Variants in TBC1D32 observed in about 807,000 individuals in gnomAD.
The protein encoded by TBC1D32 is protein broad-minded.
In TBC1D32, 151 loss-of-function variants were observed where a neutral mutation model predicts 170.3. The ratio of observed to expected loss-of-function variants is 0.89; its 90% CI spans 0.78 to 1.01. The LOEUF (loss-of-function observed/expected upper bound fraction) is 1.01, where lower values mean the gene tolerates loss of function less well. Among genes scored for constraint, TBC1D32 ranks in the 50% least tolerant of loss-of-function variants. TBC1D32 has a pLI of 0.00. For missense variants in TBC1D32, 1,464 were observed against 1,457.1 expected, an observed-to-expected ratio of 1.00 and a Z score of -0.08; for synonymous variants, 498 against 488.0, an observed-to-expected ratio of 1.02 and a Z score of -0.27.
At chr6:121,099,514 A>G (rs1777775085) in intron 30 of TBC1D32, among the ~76,000 whole-genome samples, 2 of 151,942 alleles carry the variant, frequency 1.3e-5, no homozygotes, top group Admixed American at 1.3e-4. Context: ...CAATCTGCCT[A>G]CAAATCCTTC....
intron 29 of TBC1D32, among the ~76,000 whole-genome samples, chr6:121,109,682 T>G (rs1172570264): frequency 6.6e-6 from 1 of 152,150 alleles, no homozygotes; most frequent in Non-Finnish European, 1.5e-5. Context: ...GATAATTTAA[T>G]TAAATCAATA....
At chr6:121,192,053 A>ATATATATATATATAT (rs1158179800) in intron 22 of TBC1D32, among the ~76,000 whole-genome samples, 19 of 59,590 alleles carry the variant, frequency 3.2e-4, no homozygotes, top group East Asian at 7.7e-4. Context: ...GTTAATACTT[A>ATATATATATATATAT]ATAAACTACC....
At chr6:121,138,337 C>T (rs552979945) in intron 24 of TBC1D32, among the ~76,000 whole-genome samples, 4 of 152,210 alleles carry the variant, frequency 2.6e-5, no homozygotes, top group South Asian at 4.1e-4. Flanking sequence ...TGGGAGAAAT[C>T]GGTGGAAATA....
intron 30 of TBC1D32, among the ~76,000 whole-genome samples, chr6:121,103,234 T>C (rs989394770): frequency 6.6e-6 from 1 of 151,778 alleles, no homozygotes; most frequent in Non-Finnish European, 1.5e-5. Context: ...CCATTACTGG[T>C]TATATACTGA....
chr6:121,265,876 GA>G (rs1459325192), intron 15 of TBC1D32, among the ~76,000 whole-genome samples: 1 of 152,062 alleles, frequency 6.6e-6, no homozygotes, highest in Non-Finnish European at 1.5e-5. Flanking sequence ...ATCATATGCA[GA>G]AAACTGAAAA....
chr6:121,131,507 A>C, intron 25 of TBC1D32, 120 bp downstream of exon 25: 1 of 1,061,746 alleles, frequency 9.4e-7, no homozygotes, highest in African/African-American at 1.6e-5. Flanking sequence ...AGAAATCAGC[A>C]AACTTCTGGA....
intron 31 of TBC1D32, 56 bp downstream of exon 31, chr6:121,090,797 A>C (rs1244129501): frequency 6.6e-7 from 1 of 1,520,664 alleles, no homozygotes; most frequent in Admixed American, 2.0e-5. Flanking sequence ...TCTAATATTA[A>C]GCAACCAAAG....
intron 15 of TBC1D32, among the ~76,000 whole-genome samples, chr6:121,262,818 C>T (rs149601730): frequency 0.011 from 1,707 of 152,226 alleles, 7 homozygotes; most frequent in Middle Eastern, 0.031. Flanking sequence ...CTCAGAATTT[C>T]ATATCTGGCC....
chr6:121,274,057 G>A (rs4469335), intron 15 of TBC1D32, among the ~76,000 whole-genome samples: 4,996 of 152,108 alleles, frequency 0.033, 194 homozygotes, highest in East Asian at 0.12. Context: ...CAAAAAAGCC[G>A]GGCATGGTGG....
intron 22 of TBC1D32, among the ~76,000 whole-genome samples, chr6:121,193,488 T>C (rs1041162612): frequency 6.6e-6 from 1 of 152,226 alleles, no homozygotes; most frequent in African/African-American, 2.4e-5. Context: ...CCTGTAATTG[T>C]TCTTCTCTGT....
intron 20 of TBC1D32, among the ~76,000 whole-genome samples, chr6:121,232,486 G>GAAT (rs1795869278): frequency 1.3e-5 from 2 of 152,030 alleles, no homozygotes; most frequent in Non-Finnish European, 2.9e-5. Context: ...GATAGGAATT[G>GAAT]CATTGAATCT....
intron 4 of TBC1D32, 23 bp from the exon 5 acceptor site, chr6:121,308,124 T>A: frequency 6.2e-7 from 1 of 1,605,710 alleles, no homozygotes; most frequent in Admixed American, 1.7e-5. Flanking sequence ...TAAAAGACTT[T>A]TATTAACACT....
rs556028141 is a variant in TBC1D32 at position 121,253,576 on chromosome 6, G to C, written c.2018+1752C>G. Among the ~76,000 whole-genome samples, 5 of 152,142 alleles carry C rather than the reference G, an allele frequency of 3.3e-5. No homozygotes were observed. The South Asian group carries it at 1.0e-3, about 32-fold the overall frequency. ...TACTAAAAATACAAAAACATTAGCC[G>C]GGCGTGGTGGTGGGCGCCTGTAGTC... On this transcript the variant is annotated intron_variant, in intron 17 of 31. Transcript: ENST00000398212.
At chr6:121,291,232 G>A (rs1804817875) in intron 12 of TBC1D32, among the ~76,000 whole-genome samples, 2 of 151,888 alleles carry the variant, frequency 1.3e-5, no homozygotes, top group African/African-American at 4.8e-5. Flanking sequence ...GCACAGTTGA[G>A]GCACTCATCA....
At chr6:121,226,451 C>G (rs1348587813) in intron 20 of TBC1D32, among the ~76,000 whole-genome samples, 1 of 151,902 alleles carries the variant, frequency 6.6e-6, no homozygotes, top group Non-Finnish European at 1.5e-5. Flanking sequence ...AAGAAAAGGG[C>G]AAAGTGTTTT....
intron 22 of TBC1D32, among the ~76,000 whole-genome samples, chr6:121,204,514 C>A (rs1258503947): frequency 1.3e-5 from 2 of 151,236 alleles, no homozygotes; most frequent in Non-Finnish European, 2.9e-5. Flanking sequence ...GAAGCAAATT[C>A]TATGTTTACA....
At chr6:121,261,546 G>A (rs1159318812) in intron 15 of TBC1D32, among the ~76,000 whole-genome samples, 1 of 152,094 alleles carries the variant, frequency 6.6e-6, no homozygotes, top group East Asian at 1.9e-4. Flanking sequence ...AGAGGGACCT[G>A]ACAATTGAAA....
At chr6:121,323,884 G>T (rs1367169208) in intron 1 of TBC1D32, among the ~76,000 whole-genome samples, 1 of 152,142 alleles carries the variant, frequency 6.6e-6, no homozygotes, top group Non-Finnish European at 1.5e-5. Flanking sequence ...AGGTTGCAGT[G>T]AGCCAAGATT....
chr6:121,194,389 C>A (rs567178643), intron 22 of TBC1D32, among the ~76,000 whole-genome samples: 1 of 152,198 alleles, frequency 6.6e-6, no homozygotes. Flanking sequence ...AGTATCACAT[C>A]CCTGCAGGGA....
Sources: allele counts gnomAD v4.1 joint callset (sites outside exome capture counted in the v4.1 genomes callset), GRCh38; gene constraint gnomAD v4.1.1; transcripts MANE v1.5; gene names NCBI Gene and HGNC (gene_info 2026-07-23, HGNC 2026-07-21).